SRPX: variants seen among roughly 807,000 people sequenced by gnomAD.
The protein encoded by SRPX is sushi repeat containing protein X-linked.
Under a neutral mutation model 38.1 loss-of-function variants are expected in SRPX, and 24 were observed. That is an observed-to-expected ratio of 0.63 (90% CI 0.46 to 0.89). The LOEUF (loss-of-function observed/expected upper bound fraction) is 0.89. Among genes scored for constraint, SRPX ranks in the 40% least tolerant of loss-of-function variants. The probability of loss-of-function intolerance (pLI) is 0.00; values close to 1 mark genes in which losing one functional copy is unlikely to be tolerated. For synonymous variants in SRPX, 184 were observed against 153.8 expected (o/e 1.20, Z -1.45); for missense variants, 416 against 377.8 (o/e 1.10, Z -0.84).
chrX:38,200,691 TA>T (rs1195562382), intron 1 of SRPX, among the ~76,000 whole-genome samples: 1 of 111,478 alleles, frequency 9.0e-6, no homozygotes, highest in African/African-American at 3.3e-5. Flanking sequence ...ATTCTTGAGA[TA>T]ACTAACAACC....
At chrX:38,203,741 T>G (rs1319651883) in intron 1 of SRPX, among the ~76,000 whole-genome samples, 1 of 111,870 alleles carries the variant, frequency 8.9e-6, no homozygotes, top group African/African-American at 3.3e-5. Context: ...ATTGTGCCAC[T>G]GCATTCCAGC....
intron 1 of SRPX, among the ~76,000 whole-genome samples, chrX:38,207,946 T>C (rs17312631): frequency 0.052 from 5,774 of 111,618 alleles, 154 homozygotes; most frequent in Middle Eastern, 0.084. Context: ...AATAGAACAG[T>C]CTGCAAACTT....
At position 38,178,284 on chromosome X, in the gene SRPX, C is replaced by T. The variant is rs778906474; in HGVS notation, c.157+1G>A. On this transcript the variant is annotated splice_donor_variant, in intron 2 of 9. Transcript: ENST00000378533. LOFTEE classifies it high-confidence loss of function. ...CATTAGCACATAAGCAAAGCATTCA[C>T]CTTTATATCTAGGGTGTGAATACCC... 4.1e-6 allele frequency: 5 copies of T among 1,205,924 alleles called. No individual in the cohort carries two copies. Among genetic ancestry groups the T allele is most frequent in the Non-Finnish European group, 5.6e-6 (5 of 892,236 alleles).
chrX:38,150,522 T>A (rs979153215), intron 9 of SRPX, among the ~76,000 whole-genome samples: 1 of 112,054 alleles, frequency 8.9e-6, no homozygotes, highest in Non-Finnish European at 1.9e-5. Flanking sequence ...CTGCTAAACA[T>A]CTTGCAATGC....
At chrX:38,154,647 C>T in intron 8 of SRPX, 64 bp from the exon 9 acceptor site, 1 of 1,171,555 alleles carries the variant, frequency 8.5e-7, no homozygotes, top group East Asian at 3.0e-5. Flanking sequence ...CCTTATCAAA[C>T]TAGAAACCGA....
At chrX:38,168,334 T>TGA (rs1050966103) in intron 4 of SRPX, among the ~76,000 whole-genome samples, 3 of 109,394 alleles carry the variant, frequency 2.7e-5, no homozygotes, top group East Asian at 2.9e-4. Flanking sequence ...AAATTATAAA[T>TGA]GAGAGAGAGA....
intron 4 of SRPX, among the ~76,000 whole-genome samples, chrX:38,169,001 G>T (rs953725623): frequency 1.3e-4 from 14 of 111,813 alleles, no homozygotes; most frequent in Non-Finnish European, 2.4e-4. Flanking sequence ...AACATAATGA[G>T]ACCTCATCTC....
At chrX:38,163,763 T>C (rs1938308189) in intron 5 of SRPX, among the ~76,000 whole-genome samples, 1 of 112,509 alleles carries the variant, frequency 8.9e-6, no homozygotes, top group Non-Finnish European at 1.9e-5. Flanking sequence ...TTTTTTTAAA[T>C]AAGCATCTGT....
chrX:38,203,993 C>T (rs747786141), intron 1 of SRPX, among the ~76,000 whole-genome samples: 5 of 112,058 alleles, frequency 4.5e-5, no homozygotes, highest in Non-Finnish European at 9.4e-5. Context: ...AAAAACATTT[C>T]CAGTAGCCCC....
At chrX:38,182,877 T>C (rs1020174450) in intron 1 of SRPX, among the ~76,000 whole-genome samples, 3 of 111,522 alleles carry the variant, frequency 2.7e-5, no homozygotes, top group African/African-American at 9.8e-5. Context: ...GGACCTTGGA[T>C]GATGTCACCA....
intron 4 of SRPX, 126 bp from the exon 5 acceptor site, chrX:38,165,021 C>A: frequency 1.8e-6 from 1 of 559,461 alleles, no homozygotes. Flanking sequence ...TTTGTTCACC[C>A]TATATATTCC....
chrX:38,203,549 C>A (rs1202204958), intron 1 of SRPX, among the ~76,000 whole-genome samples: 2 of 112,984 alleles, frequency 1.8e-5, no homozygotes, highest in Non-Finnish European at 3.7e-5. Flanking sequence ...GAGGCTGAGG[C>A]GAGTGGATCA....
chrX:38,159,218 G>A (rs983932169), intron 7 of SRPX, among the ~76,000 whole-genome samples: 4 of 111,676 alleles, frequency 3.6e-5, no homozygotes, highest in Non-Finnish European at 7.5e-5. Context: ...CCTTAGGTAG[G>A]GAGTCTATAA....
intron 4 of SRPX, among the ~76,000 whole-genome samples, chrX:38,170,033 T>G (rs1938439971): frequency 8.9e-6 from 1 of 112,365 alleles, no homozygotes; most frequent in Non-Finnish European, 1.9e-5. Flanking sequence ...TATTTTTATC[T>G]ATATCTGTTT....
In SRPX at chrX:38,151,109, C is replaced by T. The variant is rs184574231; in HGVS notation, c.1212-1215G>A. ...TTTTCTGCCTTTTAAGAGGGAGTTT[C>T]GAGGAAGAAGGGAATAATTTGTATT... is the stretch of plus-strand genomic sequence containing the variant. On this transcript the variant is annotated intron_variant, in intron 9 of 9. Transcript: ENST00000378533. 4.3e-3 allele frequency among the ~76,000 whole-genome samples: 481 copies of T among 111,980 alleles called. 3 individuals carry two copies. Among genetic ancestry groups the T allele is most frequent in the African/African-American group, 0.015 (458 of 30,829 alleles).
intron 1 of SRPX, among the ~76,000 whole-genome samples, chrX:38,178,669 G>A (rs749043007): frequency 9.0e-6 from 1 of 111,663 alleles, no homozygotes; most frequent in East Asian, 2.8e-4. Flanking sequence ...CTCATGCCAG[G>A]GGAGATGCAA....
chrX:38,152,988 A>G (rs1938044986), intron 9 of SRPX, among the ~76,000 whole-genome samples: 1 of 112,329 alleles, frequency 8.9e-6, no homozygotes, highest in Non-Finnish European at 1.9e-5. Context: ...TAGATATACA[A>G]TATACTTTTA....
intron 3 of SRPX, among the ~76,000 whole-genome samples, 193 bp downstream of exon 3, chrX:38,173,967 C>G (rs1938523263): frequency 8.9e-6 from 1 of 112,193 alleles, no homozygotes; most frequent in Non-Finnish European, 1.9e-5. Context: ...CCCCTTTTCT[C>G]AAACAGCTGA....
intron 9 of SRPX, among the ~76,000 whole-genome samples, chrX:38,152,056 G>C (rs1938027477): frequency 9.0e-6 from 1 of 111,594 alleles, no homozygotes; most frequent in Non-Finnish European, 1.9e-5. Context: ...GGTGCTATTT[G>C]AAAATAGCCA....
Sources: gnomAD v4.1 joint callset for allele counts (sites outside exome capture counted in the v4.1 genomes callset) on GRCh38, gnomAD v4.1.1 for gene constraint, MANE v1.5 for transcripts, NCBI Gene and HGNC (gene_info 2026-07-23, HGNC 2026-07-21) for gene names.